The following STXBP5 variants were observed in gnomAD, a reference collection of about 807,000 sequenced individuals.
The protein encoded by STXBP5 is syntaxin binding protein 5.
Under a neutral mutation model 152.4 loss-of-function variants are expected in STXBP5, and 50 were observed. That is an observed-to-expected ratio of 0.33 (90% CI 0.26 to 0.42). The LOEUF (loss-of-function observed/expected upper bound fraction) is 0.42, where lower values mean the gene tolerates loss of function less well. STXBP5 is among the 10% of genes least tolerant of loss of function. The pLI is 1.00. For synonymous variants in STXBP5, 492 were observed against 494.7 expected (o/e 0.99, Z 0.07); for missense variants, 1,167 against 1,388.6 (o/e 0.84, Z 2.54).
chr6:147,205,736 A>G (rs1195224029), intron 1 of STXBP5, among the ~76,000 whole-genome samples: 1 of 152,216 alleles, frequency 6.6e-6, no homozygotes, highest in Non-Finnish European at 1.5e-5. Flanking sequence ...GAATACCAGT[A>G]TTATGGAAAA....
intron 12 of STXBP5, 100 bp from the exon 13 acceptor site, chr6:147,314,164 G>A (rs936025354): frequency 1.1e-4 from 151 of 1,367,700 alleles, no homozygotes; most frequent in Non-Finnish European, 1.5e-4. Flanking sequence ...AGCAAAATAT[G>A]TTTTTCACTG....
At chr6:147,244,220 CA>C (rs1409533367) in intron 4 of STXBP5, among the ~76,000 whole-genome samples, 1 of 152,106 alleles carries the variant, frequency 6.6e-6, no homozygotes, top group Non-Finnish European at 1.5e-5. Flanking sequence ...GGGACTTGAG[CA>C]TTATTGGATT....
intron 26 of STXBP5, 70 bp from the exon 27 acceptor site, chr6:147,382,708 T>G (rs1562280497): frequency 6.7e-7 from 1 of 1,499,012 alleles, no homozygotes; most frequent in Admixed American, 1.9e-5. Context: ...TGTATTTTAA[T>G]GTAGTAGGAT....
At chr6:147,226,791 T>G (rs1464003544) in intron 2 of STXBP5, among the ~76,000 whole-genome samples, 1 of 152,186 alleles carries the variant, frequency 6.6e-6, no homozygotes, top group Non-Finnish European at 1.5e-5. Flanking sequence ...CTTTTGAGAT[T>G]TGTACCCTCA....
chr6:147,283,131 G>T (rs912005379), intron 8 of STXBP5, among the ~76,000 whole-genome samples: 1 of 152,148 alleles, frequency 6.6e-6, no homozygotes. Flanking sequence ...TATAGGAAAT[G>T]ATATTTTAAA....
At chr6:147,290,777 C>T (rs1312476151) in intron 8 of STXBP5, among the ~76,000 whole-genome samples, 1 of 152,140 alleles carries the variant, frequency 6.6e-6, no homozygotes, top group Non-Finnish European at 1.5e-5. Flanking sequence ...ATTCATTTAG[C>T]AAGTTGAAAT....
Position 147,316,255 on chromosome 6 carries a change from G to A in STXBP5, c.1650G>A (p.Glu550=). 1 of 1,613,920 alleles carries A rather than the reference G, an allele frequency of 6.2e-7. No individual in the cohort carries two copies. The highest frequency in any genetic ancestry group is 8.5e-7 in the Non-Finnish European group (1 of 1,179,956). Residue 550 remains glutamate, a synonymous_variant, in exon 16 of 28, where the codon GAG becomes GAA. Transcript: ENST00000321680. ...TGCTTGAAGTTCGATTATTATATGAGATAAATGATGTGGAAACTCCGGAGG... is the reference window on the plus strand; with the variant it reads ...TGCTTGAAGTTCGATTATTATATGAAATAAATGATGTGGAAACTCCGGAGG... The part of the protein sequence containing the change: ...IPMLEVRLLY[E]INDVETPEGE...
chr6:147,283,953 G>A (rs1780827822), intron 8 of STXBP5, among the ~76,000 whole-genome samples: 2 of 152,134 alleles, frequency 1.3e-5, no homozygotes, highest in Non-Finnish European at 2.9e-5. Flanking sequence ...GAAAGGTAAC[G>A]TGAGCTGCGT....
intron 27 of STXBP5, 140 bp from the exon 28 acceptor site, chr6:147,384,574 T>C (rs2128424693): frequency 1.2e-6 from 1 of 814,614 alleles, no homozygotes; most frequent in South Asian, 1.6e-5. Context: ...TTACTGCTTT[T>C]AATAAGTTGA....
chr6:147,242,647 T>C (rs1326382273), intron 4 of STXBP5, among the ~76,000 whole-genome samples: 1 of 152,212 alleles, frequency 6.6e-6, no homozygotes, highest in Non-Finnish European at 1.5e-5. Context: ...GCCTACAGTA[T>C]TCAATATGTA....
intron 1 of STXBP5, among the ~76,000 whole-genome samples, chr6:147,205,170 C>T (rs890609320): frequency 6.6e-5 from 10 of 150,606 alleles, no homozygotes; most frequent in Admixed American, 4.6e-4. Flanking sequence ...TTCTTTTTAT[C>T]ATTATGTTTG....
At chr6:147,287,424 G>T in intron 8 of STXBP5, among the ~76,000 whole-genome samples, 1 of 151,636 alleles carries the variant, frequency 6.6e-6, no homozygotes. Flanking sequence ...GGATGGTCTC[G>T]ATCTCCTGAC....
intron 25 of STXBP5, among the ~76,000 whole-genome samples, chr6:147,366,178 C>G (rs1401119345): frequency 6.6e-6 from 1 of 152,118 alleles, no homozygotes; most frequent in East Asian, 1.9e-4. Context: ...GAGAAAGAAC[C>G]CTGGAGATGT....
At position 147,382,811 on chromosome 6, in the gene STXBP5, G is replaced by C. The variant is rs1264677142; in HGVS notation, c.3227G>C (p.Ser1076Thr). The C allele has an allele frequency of 2.5e-6, 4 of 1,613,366 alleles. No individual in the cohort carries two copies. The highest frequency in any genetic ancestry group is 3.4e-6 in the Non-Finnish European group (4 of 1,179,608). Reference sequence around the variant, plus strand: ...TCGTCCTCAGGAAAGGCTTCAAGGAGCCTTGCACAGCATATTCCTGGCCCT... The same window carrying C: ...TCGTCCTCAGGAAAGGCTTCAAGGACCCTTGCACAGCATATTCCTGGCCCT... ...GESSSGKASR[S>T]LAQHIPGPGG... The change falls in exon 27 of 28, where the codon AGC (serine) becomes ACC (threonine). Residue 1076 changes from serine (S) to threonine (T), a missense_variant. By Grantham distance (58) the Ser-to-Thr change is moderately conservative. Around this residue, in one of 3 missense-constraint regions of STXBP5, gnomAD observed 833 missense variants for 986.3 expected, o/e 0.84. Transcript: ENST00000321680.
chr6:147,231,656 T>A (rs1778012648), intron 2 of STXBP5, among the ~76,000 whole-genome samples: 1 of 151,924 alleles, frequency 6.6e-6, no homozygotes, highest in Non-Finnish European at 1.5e-5. Flanking sequence ...GAATAGTAAG[T>A]GAATATTTCC....
At chr6:147,285,333 A>G (rs1312867468) in intron 8 of STXBP5, among the ~76,000 whole-genome samples, 1 of 152,168 alleles carries the variant, frequency 6.6e-6, no homozygotes, top group Non-Finnish European at 1.5e-5. Context: ...GCTTAAAATC[A>G]TGGGTAGTAC....
rs527680556 is a variant in STXBP5, at chr6:147,386,502, G to C, written c.*1747G>C. On this transcript the variant is annotated 3_prime_UTR_variant, in exon 28 of 28. Coordinates refer to ENST00000321680, the MANE Select transcript of STXBP5 (RefSeq NM_001127715.4). Reference sequence around the variant, plus strand: ...GTTTACTTTAAATATCATTTGGTAGGGACTAAATGTGTGTGATAGAGATAA... The same window carrying C: ...GTTTACTTTAAATATCATTTGGTAGCGACTAAATGTGTGTGATAGAGATAA... 6.6e-6 allele frequency: 1 copy of C among 150,958 alleles called. No homozygotes were observed. The highest frequency in any genetic ancestry group is 2.1e-4 in the South Asian group (1 of 4,764). 9.4% of individuals were successfully genotyped at this position (150,958 alleles called of 1,614,324 possible).
At chr6:147,330,186 T>A (rs1783496104) in intron 18 of STXBP5, among the ~76,000 whole-genome samples, 1 of 152,168 alleles carries the variant, frequency 6.6e-6, no homozygotes, top group Non-Finnish European at 1.5e-5. Flanking sequence ...GTATATCTGC[T>A]AAAAATCTGA....
intron 8 of STXBP5, among the ~76,000 whole-genome samples, chr6:147,290,086 G>A (rs1047834779): frequency 5.3e-5 from 8 of 152,174 alleles, no homozygotes; most frequent in East Asian, 1.9e-4. Flanking sequence ...GTATGCACCC[G>A]TGGTCTAATT....
Sources: gnomAD v4.1 joint callset for allele counts (sites outside exome capture counted in the v4.1 genomes callset) on GRCh38, gnomAD v4.1.1 for gene constraint, gnomAD v4.1.1 regional missense constraint, MANE v1.5 for transcripts, NCBI Gene and HGNC (gene_info 2026-07-23, HGNC 2026-07-21) for gene names.